Variants in CCDC77 observed in about 807,000 individuals in gnomAD.
CCDC77 encodes coiled-coil domain-containing protein 77.
A neutral mutation model predicts 66.8 loss-of-function variants in CCDC77; 56 were observed. The ratio of observed to expected loss-of-function variants is 0.84; its 90% CI spans 0.68 to 1.05. The LOEUF is 1.05. Among genes scored for constraint, CCDC77 ranks in the 50% least tolerant of loss-of-function variants. CCDC77 has a pLI of 0.00. For missense variants in CCDC77, 570 were observed against 576.8 expected (o/e 0.99, Z 0.12); for synonymous variants, 196 against 195.2 (o/e 1.00, Z -0.03).
chr12:392,601 C>T (rs1248475093), intron 1 of CCDC77, among the ~76,000 whole-genome samples: 2 of 151,948 alleles, frequency 1.3e-5, no homozygotes, highest in African/African-American at 2.4e-5. Context: ...AAAACTTAGC[C>T]GGGCGTAGTG....
At chr12:405,805 C>G (rs915349866) in intron 2 of CCDC77, among the ~76,000 whole-genome samples, 2 of 151,860 alleles carry the variant, frequency 1.3e-5, no homozygotes, top group East Asian at 3.9e-4. Context: ...GTTTATGTTA[C>G]TAGGGATACA....
chr12:439,789 AAAAG>A (rs200955649), intron 10 of CCDC77, among the ~76,000 whole-genome samples: 6,385 of 145,828 alleles, frequency 0.044, 371 homozygotes, highest in African/African-American at 0.14. Flanking sequence ...CAGAAAAAAA[AAAAG>A]AAAAAATTAT....
intron 4 of CCDC77, among the ~76,000 whole-genome samples, chr12:413,650 C>T (rs1215713286): frequency 5.9e-5 from 8 of 134,780 alleles, no homozygotes; most frequent in Admixed American, 3.8e-4. Flanking sequence ...TTTTTTGAGA[C>T]GGAGTCTCGC....
chr12:395,762 T>A (rs1358924946), intron 1 of CCDC77, among the ~76,000 whole-genome samples: 1 of 151,944 alleles, frequency 6.6e-6, no homozygotes, highest in Non-Finnish European at 1.5e-5. Flanking sequence ...GGCGTCGTGG[T>A]GCATGCCTGT....
intron 5 of CCDC77, among the ~76,000 whole-genome samples, chr12:420,199 TAC>T (rs1483239743): frequency 1.5e-4 from 1 of 6,470 alleles, no homozygotes; most frequent in Non-Finnish European, 2.1e-4. Flanking sequence ...AGAGGGTAAA[TAC>T]ACACATAGCA....
At chr12:391,789 G>A (rs1944759112) in intron 1 of CCDC77, among the ~76,000 whole-genome samples, 1 of 152,110 alleles carries the variant, frequency 6.6e-6, no homozygotes, top group African/African-American at 2.4e-5. Context: ...ATTTTTATTT[G>A]CCACAGTACT....
chr12:389,575 GA>G (rs1337633710), intron 1 of CCDC77: 8 of 276,438 alleles, frequency 2.9e-5, no homozygotes, highest in Non-Finnish European at 5.7e-5. Flanking sequence ...GAGGCGCAAC[GA>G]GGCGGGGCGA....
intron 12 of CCDC77, 36 bp downstream of exon 12, chr12:441,032 A>C (rs1565579617): frequency 6.2e-7 from 1 of 1,600,748 alleles, no homozygotes; most frequent in Non-Finnish European, 8.5e-7. Flanking sequence ...GAGGGAGAGA[A>C]GAGGTGTAAG....
intron 2 of CCDC77, among the ~76,000 whole-genome samples, 182 bp downstream of exon 2, chr12:405,746 A>T (rs1049544874): frequency 6.6e-6 from 1 of 152,116 alleles, no homozygotes; most frequent in Non-Finnish European, 1.5e-5. Flanking sequence ...TCAAATTCAT[A>T]TTGAGAGTTG....
intron 9 of CCDC77, among the ~76,000 whole-genome samples, chr12:437,775 GGTC>G (rs1264847554): frequency 6.6e-6 from 1 of 150,490 alleles, no homozygotes; most frequent in African/African-American, 2.5e-5. Context: ...GAGCCCAGAA[GGTC>G]AGGGCTGCTG....
intron 1 of CCDC77, among the ~76,000 whole-genome samples, chr12:402,992 A>G (rs1032898830): frequency 2.6e-5 from 4 of 152,214 alleles, no homozygotes; most frequent in Non-Finnish European, 5.9e-5. Flanking sequence ...GATGCTAAAA[A>G]AATACCTAAC....
At chr12:417,457 C>G (rs1945307683) in intron 4 of CCDC77, among the ~76,000 whole-genome samples, 1 of 152,184 alleles carries the variant, frequency 6.6e-6, no homozygotes, top group African/African-American at 2.4e-5. Context: ...CGCTTTCCCC[C>G]ACACCATTTC....
At chr12:417,343 T>C (rs1414144593) in intron 4 of CCDC77, among the ~76,000 whole-genome samples, 1 of 152,162 alleles carries the variant, frequency 6.6e-6, no homozygotes, top group Non-Finnish European at 1.5e-5. Context: ...GTACCAACTG[T>C]CTGCTTCTCT....
At position 440,925 on chromosome 12, in the gene CCDC77, G is replaced by A. The variant is rs778219509; in HGVS notation, c.1249G>A (p.Val417Ile). 17 of 1,613,592 alleles carry A rather than the reference G, an allele frequency of 1.1e-5. No homozygotes were observed. The African/African-American group carries it at 1.9e-4, about 18-fold the overall frequency. The change falls in exon 12 of 13, where the codon GTA (valine) becomes ATA (isoleucine). Residue 417 changes from valine to isoleucine, a missense_variant. Val to Ile is a conservative substitution (Grantham distance 29). Transcript: ENST00000239830. Reference protein sequence around the residue: ...EALERRRILEVEGFKTDIKVL... With the variant: ...EALERRRILEIEGFKTDIKVL... ...ATTGGAGCGTCGACGTATCCTGGAA[G>A]TAGAAGGCTTTAAGACAGATATTAA...
At chr12:406,447 C>T (rs138928925) in intron 2 of CCDC77, among the ~76,000 whole-genome samples, 387 of 152,230 alleles carry the variant, frequency 2.5e-3, no homozygotes, top group African/African-American at 8.8e-3. Context: ...GTGTTTTTAC[C>T]GCAGTGAACA....
chr12:402,729 G>C (rs920269293), intron 1 of CCDC77, among the ~76,000 whole-genome samples: 6 of 152,218 alleles, frequency 3.9e-5, no homozygotes, highest in Non-Finnish European at 7.3e-5. Flanking sequence ...AGGTAGAACC[G>C]TTAAGGTGTT....
chr12:397,711 A>G (rs1944846455), upstream of CCDC77, among the ~76,000 whole-genome samples: 1 of 151,652 alleles, frequency 6.6e-6, no homozygotes, highest in Admixed American at 6.6e-5. Flanking sequence ...CAGTGGCGCG[A>G]TCTCAGCTCA....
intron 9 of CCDC77, among the ~76,000 whole-genome samples, chr12:435,589 C>G (rs1266192244): frequency 1.3e-5 from 2 of 152,246 alleles, no homozygotes; most frequent in Non-Finnish European, 2.9e-5. Context: ...CTTGTGTTAA[C>G]TTGTCAGAAC....
At chr12:418,720 G>C (rs940694507) in intron 5 of CCDC77, 84 bp downstream of exon 5, 13 of 1,448,066 alleles carry the variant, frequency 9.0e-6, no homozygotes, top group Non-Finnish European at 1.1e-5. Context: ...CATTGATTTA[G>C]AGGCAGTATC....
Sources: allele counts gnomAD v4.1 joint callset (sites outside exome capture counted in the v4.1 genomes callset), GRCh38; gene constraint gnomAD v4.1.1; transcripts MANE v1.5; gene names NCBI Gene and HGNC (gene_info 2026-07-23, HGNC 2026-07-21).